Variants in GALNT17 observed in about 807,000 individuals in gnomAD.
GALNT17 encodes polypeptide N-acetylgalactosaminyltransferase 17.
Under a neutral mutation model 63.7 loss-of-function variants are expected in GALNT17, and 29 were observed. The observed-to-expected ratio is 0.46, with a 90% CI of 0.34 to 0.62. The LOEUF is 0.62. Ranked by LOEUF, GALNT17 falls within the 20% of genes least tolerant of loss-of-function variation. The pLI is 0.01. For synonymous variants in GALNT17, 305 were observed against 318.3 expected, an observed-to-expected ratio of 0.96 and a Z score of 0.45; for missense variants, 603 against 799.6, an observed-to-expected ratio of 0.75 and a Z score of 2.97.
At chr7:71,543,086 G>GTCTT (rs1788921122) in intron 5 of GALNT17, among the ~76,000 whole-genome samples, 3 of 144,806 alleles carry the variant, frequency 2.1e-5, no homozygotes, top group Admixed American at 1.4e-4. Flanking sequence ...ATTTTTTCTT[G>GTCTT]TCTTTGATCA....
chr7:71,379,761 G>C (rs1024883937), intron 2 of GALNT17, among the ~76,000 whole-genome samples: 1 of 152,102 alleles, frequency 6.6e-6, no homozygotes, highest in Non-Finnish European at 1.5e-5. Flanking sequence ...AGCGCTCCAC[G>C]TGGAGATTTA....
chr7:71,705,344 CA>C (rs1283002968), intron 9 of GALNT17, among the ~76,000 whole-genome samples: 6 of 151,828 alleles, frequency 4.0e-5, no homozygotes, highest in Non-Finnish European at 5.9e-5. Context: ...TGACTAGAAT[CA>C]AAAAAAGCAG....
chr7:71,138,118 GAGA>G (rs146606506), intron 1 of GALNT17, among the ~76,000 whole-genome samples: 20,189 of 152,156 alleles, frequency 0.13, 2,853 homozygotes, highest in East Asian at 0.48. Context: ...AAGCTGAGGT[GAGA>G]AGATCAGTTG....
chr7:71,132,735 G>A lies in GALNT17; in HGVS notation c.-68G>A. The A allele has an allele frequency of 7.3e-7, 1 of 1,378,776 alleles. No individual in the cohort carries two copies. Among genetic ancestry groups the A allele is most frequent in the Non-Finnish European group, 9.9e-7 (1 of 1,012,870 alleles). The allele number at this position is 1,378,776 out of a possible 1,614,324, so 85.4% of individuals were successfully genotyped here. ...GGTGTGTGAGGCTTGCACGGCCCCT[G>A]GCTGCCCCGCGCCTCGCCGGAGCCC... On this transcript the variant is annotated 5_prime_UTR_variant, in exon 1 of 11. Coordinates refer to ENST00000333538, the MANE Select transcript of GALNT17 (RefSeq NM_022479.3).
intron 5 of GALNT17, among the ~76,000 whole-genome samples, chr7:71,533,180 T>G (rs1402247376): frequency 6.6e-6 from 1 of 152,220 alleles, no homozygotes; most frequent in African/African-American, 2.4e-5. Flanking sequence ...ATATGGTGAC[T>G]AGCTTGTGCA....
intron 1 of GALNT17, among the ~76,000 whole-genome samples, chr7:71,180,554 CA>C (rs1251869937): frequency 6.6e-6 from 1 of 152,200 alleles, no homozygotes; most frequent in Non-Finnish European, 1.5e-5. Context: ...TTTTGATCTT[CA>C]AGATGCCCTT....
intron 5 of GALNT17, among the ~76,000 whole-genome samples, chr7:71,552,588 G>T (rs376448439): frequency 6.6e-6 from 1 of 151,346 alleles, no homozygotes; most frequent in African/African-American, 2.4e-5. Context: ...CTACAGGCCC[G>T]TGCCACCACA....
chr7:71,215,855 G>T (rs879506104), intron 1 of GALNT17, among the ~76,000 whole-genome samples: 48 of 152,140 alleles, frequency 3.2e-4, no homozygotes, highest in Admixed American at 2.5e-3. Context: ...CAAAATGCTT[G>T]TATTGAGATA....
chr7:71,519,440 G>C (rs1172477774), intron 5 of GALNT17, among the ~76,000 whole-genome samples: 1 of 151,930 alleles, frequency 6.6e-6, no homozygotes, highest in African/African-American at 2.4e-5. Context: ...TCCAATCTCT[G>C]AGCTCTACTG....
chr7:71,496,544 G>A lies in GALNT17; in HGVS notation c.963-74741G>A, dbSNP rs540524543. 1.3e-3 allele frequency among the ~76,000 whole-genome samples: 200 copies of A among 152,222 alleles called. 2 individuals are homozygous for A. Among genetic ancestry groups the A allele is most frequent in the African/African-American group, 4.5e-3 (187 of 41,538 alleles). On this transcript the variant is annotated intron_variant, in intron 5 of 10. Transcript: ENST00000333538. Reference sequence around the variant, plus strand: ...GTCCAGTGACATAGAAATGATCTCCGCCTTCCTTTCCACCTGCCCTCCTTC... The same window carrying A: ...GTCCAGTGACATAGAAATGATCTCCACCTTCCTTTCCACCTGCCCTCCTTC...
At chr7:71,401,525 G>T (rs1793240789) in intron 3 of GALNT17, among the ~76,000 whole-genome samples, 1 of 152,146 alleles carries the variant, frequency 6.6e-6, no homozygotes, top group African/African-American at 2.4e-5. Context: ...TAGGGACTAG[G>T]CCGCACAGCA....
At chr7:71,336,283 G>C (rs908541896) in intron 2 of GALNT17, among the ~76,000 whole-genome samples, 3 of 152,058 alleles carry the variant, frequency 2.0e-5, no homozygotes, top group African/African-American at 7.2e-5. Context: ...GACCTCAGGT[G>C]ATCTGCCCGC....
chr7:71,484,442 C>T (rs1340520564), intron 5 of GALNT17, among the ~76,000 whole-genome samples: 4 of 152,202 alleles, frequency 2.6e-5, no homozygotes, highest in Non-Finnish European at 4.4e-5. Context: ...GAGATGAGAT[C>T]GTACTACTGC....
At chr7:71,452,462 G>A (rs1357221924) in intron 5 of GALNT17, among the ~76,000 whole-genome samples, 1 of 151,738 alleles carries the variant, frequency 6.6e-6, no homozygotes, top group African/African-American at 2.4e-5. Context: ...AGGAGAATTG[G>A]CTTGAACTTG....
chr7:71,576,529 T>TGTGTGTGTG (rs1789539654), intron 6 of GALNT17, among the ~76,000 whole-genome samples: 15 of 142,814 alleles, frequency 1.1e-4, no homozygotes, highest in African/African-American at 3.9e-4. Flanking sequence ...TTTTTTAACT[T>TGTGTGTGTG]TGTGTGTGTG....
intron 5 of GALNT17, among the ~76,000 whole-genome samples, chr7:71,498,295 G>C (rs1432120992): frequency 1.3e-5 from 2 of 152,090 alleles, no homozygotes. Flanking sequence ...GGGCAACATG[G>C]TGAGACCCCC....
intron 6 of GALNT17, 114 bp from the exon 7 acceptor site, chr7:71,665,297 A>T (rs947357346): frequency 9.0e-7 from 1 of 1,116,104 alleles, no homozygotes; most frequent in Non-Finnish European, 1.3e-6. Flanking sequence ...TTTATATATT[A>T]AAATGTATTT....
chr7:71,704,918 A>G (rs985929988), intron 9 of GALNT17, among the ~76,000 whole-genome samples: 1 of 152,224 alleles, frequency 6.6e-6, no homozygotes, highest in African/African-American at 2.4e-5. Flanking sequence ...ATTCTTAGAA[A>G]ACACAGGGGT....
intron 2 of GALNT17, among the ~76,000 whole-genome samples, chr7:71,356,790 A>G (rs1476369802): frequency 6.6e-6 from 1 of 151,944 alleles, no homozygotes; most frequent in African/African-American, 2.4e-5. Context: ...GAGCATATAT[A>G]TATATTTTTT....
Sources: gnomAD v4.1 joint callset for allele counts (sites outside exome capture counted in the v4.1 genomes callset) on GRCh38, gnomAD v4.1.1 for gene constraint, MANE v1.5 for transcripts, NCBI Gene and HGNC (gene_info 2026-07-23, HGNC 2026-07-21) for gene names.